The following MIPOL1 variants were observed in gnomAD, a reference collection of about 807,000 sequenced individuals.
The protein encoded by MIPOL1 is mirror-image polydactyly gene 1 protein.
MIPOL1 carries 57 observed loss-of-function variants against 60.9 expected under a neutral mutation model. That is an observed-to-expected ratio of 0.94 (90% CI 0.76 to 1.17). The LOEUF (loss-of-function observed/expected upper bound fraction) is 1.17. Ranked by LOEUF, MIPOL1 falls within the 50% of genes most tolerant of loss-of-function variation. The pLI, the probability that MIPOL1 is intolerant of heterozygous loss-of-function variation, is 0.00. For synonymous variants in MIPOL1, 179 were observed against 168.8 expected, an observed-to-expected ratio of 1.06 and a Z score of -0.47; for missense variants, 551 against 511.6, an observed-to-expected ratio of 1.08 and a Z score of -0.74.
At chr14:37,482,537 G>A (rs1468690793) in intron 11 of MIPOL1, among the ~76,000 whole-genome samples, 1 of 152,066 alleles carries the variant, frequency 6.6e-6, no homozygotes, top group East Asian at 1.9e-4. Context: ...AAAGGTAAAG[G>A]GGAAGCAAGG....
At chr14:37,347,584 C>A (rs1443380410) in intron 9 of MIPOL1, among the ~76,000 whole-genome samples, 5 of 152,162 alleles carry the variant, frequency 3.3e-5, no homozygotes, top group Admixed American at 3.3e-4. Context: ...CTTTAACAAG[C>A]ACAAAGAGTA....
chr14:37,483,698 T>A, intron 11 of MIPOL1, among the ~76,000 whole-genome samples: 1 of 152,030 alleles, frequency 6.6e-6, no homozygotes, highest in East Asian at 1.9e-4. Context: ...TGCAGTGGCA[T>A]GACTGTAGCT....
chr14:37,298,681 A>G (rs1453670314), intron 7 of MIPOL1, among the ~76,000 whole-genome samples: 2 of 152,222 alleles, frequency 1.3e-5, no homozygotes, highest in African/African-American at 4.8e-5. Context: ...TATGCAGCCA[A>G]AAAACACATG....
At chr14:37,325,272 C>T (rs1034292004) in intron 9 of MIPOL1, among the ~76,000 whole-genome samples, 4 of 152,130 alleles carry the variant, frequency 2.6e-5, no homozygotes, top group Admixed American at 1.3e-4. Context: ...CGTTTACCCT[C>T]GTCTTTTTGA....
intron 1 of MIPOL1, among the ~76,000 whole-genome samples, chr14:37,221,668 A>G (rs904379084): frequency 3.9e-5 from 6 of 152,296 alleles, no homozygotes; most frequent in South Asian, 2.1e-4. Flanking sequence ...TAAAACAACC[A>G]GATCTCGTGA....
At chr14:37,296,172 G>C (rs564045436) in intron 7 of MIPOL1, among the ~76,000 whole-genome samples, 1 of 152,078 alleles carries the variant, frequency 6.6e-6, no homozygotes, top group Non-Finnish European at 1.5e-5. Context: ...GCTCAGCTAC[G>C]TGGAAACTGA....
In MIPOL1 at chr14:37,483,465, G is replaced by A. The variant is rs1442638059; in HGVS notation, c.1032-16443G>A. On this transcript the variant is annotated intron_variant, in intron 11 of 12. Transcript: ENST00000684589. ...AAAAAAATATTTTTCATCCATGGTT[G>A]GTTGAATCCACAATTGCAGAATCCA... is the stretch of plus-strand genomic sequence containing the variant. Among the ~76,000 whole-genome samples the A allele has an allele frequency of 2.0e-5, 3 of 151,972 alleles. No homozygotes were observed. The East Asian group carries it at 5.8e-4, about 29-fold the overall frequency.
chr14:37,223,846 G>T lies in MIPOL1; in HGVS notation c.-198-23257G>T, dbSNP rs372490961. Among the ~76,000 whole-genome samples, 23 of 152,240 alleles carry T rather than the reference G, an allele frequency of 1.5e-4. 2 individuals carry two copies. Among genetic ancestry groups the T allele is most frequent in the African/African-American group, 5.5e-4 (23 of 41,542 alleles). On this transcript the variant is annotated intron_variant, in intron 1 of 12. Coordinates refer to ENST00000684589, the MANE Select transcript of MIPOL1 (RefSeq NM_001388067.1). ...AAGTTAAATTTATTAAATTTAAAGG[G>T]CTGTCTTTGAAATTATGTACTGCTA...
At chr14:37,474,468 A>G (rs925014511) in intron 11 of MIPOL1, among the ~76,000 whole-genome samples, 2 of 152,128 alleles carry the variant, frequency 1.3e-5, no homozygotes, top group East Asian at 3.9e-4. Context: ...ATGAGATCTA[A>G]TGGTTTTATA....
At chr14:37,510,545 A>G (rs1011257013) in intron 12 of MIPOL1, among the ~76,000 whole-genome samples, 1 of 151,922 alleles carries the variant, frequency 6.6e-6, no homozygotes, top group Admixed American at 6.6e-5. Flanking sequence ...CATAGGTGGT[A>G]TTTTTTTAAT....
At chr14:37,374,822 A>G (rs534700696) in intron 10 of MIPOL1, among the ~76,000 whole-genome samples, 1 of 152,194 alleles carries the variant, frequency 6.6e-6, no homozygotes, top group African/African-American at 2.4e-5. Flanking sequence ...ATCGTGATGC[A>G]TCCAGCTTTG....
intron 11 of MIPOL1, among the ~76,000 whole-genome samples, chr14:37,489,319 C>T (rs1355651549): frequency 6.6e-6 from 1 of 152,160 alleles, no homozygotes; most frequent in Admixed American, 6.5e-5. Flanking sequence ...ATGTTCTTCT[C>T]TAAACTGGTT....
At chr14:37,235,716 C>A (rs1407654775) in intron 1 of MIPOL1, among the ~76,000 whole-genome samples, 3 of 152,096 alleles carry the variant, frequency 2.0e-5, no homozygotes, top group Non-Finnish European at 2.9e-5. Context: ...CAAGCAGAAA[C>A]TCTGTACCCA....
intron 9 of MIPOL1, among the ~76,000 whole-genome samples, chr14:37,319,418 C>T (rs553252995): frequency 6.6e-6 from 1 of 152,222 alleles, no homozygotes; most frequent in South Asian, 2.1e-4. Context: ...GAAATGTAGA[C>T]TTAATTCTCT....
intron 1 of MIPOL1, chr14:37,198,373 A>G (rs1964678829): frequency 6.6e-6 from 1 of 152,048 alleles, no homozygotes; most frequent in African/African-American, 2.4e-5. Context: ...TGAGCAGCTG[A>G]GCATTTATTC....
At chr14:37,249,847 A>G (rs1466810747) in intron 3 of MIPOL1, among the ~76,000 whole-genome samples, 1 of 152,208 alleles carries the variant, frequency 6.6e-6, no homozygotes, top group African/African-American at 2.4e-5. Flanking sequence ...GAAGCAAATA[A>G]TGATGCATCT....
chr14:37,300,203 C>T (rs573975856), intron 7 of MIPOL1, among the ~76,000 whole-genome samples: 2 of 150,434 alleles, frequency 1.3e-5, no homozygotes, highest in Admixed American at 6.7e-5. Context: ...AAGTAAATCA[C>T]TAAGTACAGT....
At chr14:37,373,238 A>G (rs2092689155) in intron 10 of MIPOL1, among the ~76,000 whole-genome samples, 1 of 152,136 alleles carries the variant, frequency 6.6e-6, no homozygotes, top group Non-Finnish European at 1.5e-5. Context: ...CCTGGCCTCA[A>G]GTGATCTGCC....
At chr14:37,477,507 A>G (rs954221542) in intron 11 of MIPOL1, among the ~76,000 whole-genome samples, 1 of 152,108 alleles carries the variant, frequency 6.6e-6, no homozygotes, top group African/African-American at 2.4e-5. Flanking sequence ...ACAGGCATGG[A>G]GTTGTTCATA....
Sources: allele counts gnomAD v4.1 joint callset (sites outside exome capture counted in the v4.1 genomes callset), GRCh38; gene constraint gnomAD v4.1.1; transcripts MANE v1.5; gene names NCBI Gene and HGNC (gene_info 2026-07-23, HGNC 2026-07-21).